PACC1: variants seen among roughly 807,000 people sequenced by gnomAD.
PACC1 encodes the protein proton-activated chloride channel.
In PACC1, 34 loss-of-function variants were observed where a neutral mutation model predicts 39.7. That is an observed-to-expected ratio of 0.86 (90% CI 0.65 to 1.14). The LOEUF (loss-of-function observed/expected upper bound fraction) is 1.14. PACC1 is among the 50% of genes most tolerant of loss of function. The pLI, the probability that PACC1 is intolerant of heterozygous loss-of-function variation, is 0.00. For synonymous variants in PACC1, 127 were observed against 160.6 expected, an observed-to-expected ratio of 0.79 and a Z score of 1.58; for missense variants, 379 against 436.4, an observed-to-expected ratio of 0.87 and a Z score of 1.17.
At chr1:212,366,920 C>T (rs919964545) in intron 7 of PACC1, among the ~76,000 whole-genome samples, 11 of 152,164 alleles carry the variant, frequency 7.2e-5, no homozygotes, top group African/African-American at 2.7e-4. Context: ...GAAGCTTACA[C>T]GTTTGGGTCT....
At chr1:212,392,162 T>C (rs1353689606) in intron 2 of PACC1, among the ~76,000 whole-genome samples, 2 of 151,946 alleles carry the variant, frequency 1.3e-5, no homozygotes, top group Non-Finnish European at 2.9e-5. Context: ...AAAGTTGAAA[T>C]GAAGGAAAAA....
At chr1:212,389,263 G>C (rs566660781) in intron 2 of PACC1, among the ~76,000 whole-genome samples, 1 of 152,146 alleles carries the variant, frequency 6.6e-6, no homozygotes, top group Non-Finnish European at 1.5e-5. Context: ...AGCCACACAG[G>C]GGGTGAAACT....
At chr1:212,413,544 G>C (rs920395504) in intron 1 of PACC1, among the ~76,000 whole-genome samples, 3 of 152,202 alleles carry the variant, frequency 2.0e-5, no homozygotes, top group African/African-American at 7.2e-5. Flanking sequence ...TTACCCAATG[G>C]AGCTTGGCGG....
chr1:212,406,105 C>CAAAAAAAAAAAAAAAAAAAA (rs58332482), intron 2 of PACC1, among the ~76,000 whole-genome samples: 1 of 55,640 alleles, frequency 1.8e-5, no homozygotes, highest in Non-Finnish European at 3.3e-5. Flanking sequence ...TCCCACCCCA[C>CAAAAAAAAAAAAAAAAAAAA]AAAAAAAAAA....
chr1:212,379,769 G>C (rs701905), intron 5 of PACC1, 126 bp downstream of exon 5: 371,796 of 1,201,770 alleles, frequency 0.31, 61,161 homozygotes, highest in Non-Finnish European at 0.35. Context: ...TCCTGGGCCA[G>C]TGGGTCATCT....
At chr1:212,365,612 AG>A (rs1482161189) in intron 7 of PACC1, among the ~76,000 whole-genome samples, 3 of 151,912 alleles carry the variant, frequency 2.0e-5, no homozygotes, top group African/African-American at 7.3e-5. Flanking sequence ...TTGTATGTTT[AG>A]TAGTGTTATT....
At chr1:212,398,137 C>T (rs1661588188) in intron 2 of PACC1, among the ~76,000 whole-genome samples, 1 of 152,104 alleles carries the variant, frequency 6.6e-6, no homozygotes, top group African/African-American at 2.4e-5. Context: ...GTACCCTCTA[C>T]CCTTCAAAAA....
intron 2 of PACC1, among the ~76,000 whole-genome samples, chr1:212,394,720 TA>T (rs542559587): frequency 1.3e-3 from 193 of 152,328 alleles, no homozygotes; most frequent in African/African-American, 4.6e-3. Context: ...CTTAAGCTGA[TA>T]AGCAACTTCA....
At chr1:212,365,582 C>T (rs1660210878) in intron 7 of PACC1, among the ~76,000 whole-genome samples, 1 of 152,052 alleles carries the variant, frequency 6.6e-6, no homozygotes, top group Admixed American at 6.6e-5. Flanking sequence ...AGGAACCTGC[C>T]ACCACACCTG....
At chr1:212,373,648 T>C (rs770981975) in intron 7 of PACC1, among the ~76,000 whole-genome samples, 6 of 151,924 alleles carry the variant, frequency 3.9e-5, no homozygotes, top group Non-Finnish European at 7.4e-5. Flanking sequence ...AACAACTCAA[T>C]AGCAAAAAAA....
Position 212,377,613 on chromosome 1 carries a change from C to T in PACC1, c.732G>A (p.Leu244=). 1 of 1,614,200 alleles carries T rather than the reference C, an allele frequency of 6.2e-7. No homozygotes were observed. The highest frequency in any genetic ancestry group is 8.5e-7 in the Non-Finnish European group (1 of 1,180,040). The change falls in exon 6 of 8, where the codon CTG becomes CTA. Residue 244 remains leucine (L), a synonymous_variant. Coordinates refer to ENST00000261455, the MANE Select transcript of PACC1 (RefSeq NM_018252.3). ...GCCCATCCTCCTCCTTGGTCTTTAC[C>T]AGTGACATCTTGACCCAGGTGCGGA... ...GGFRTWVKMS[L]VKTKEEDGRE...
intron 2 of PACC1, among the ~76,000 whole-genome samples, chr1:212,405,882 C>G (rs1248241487): frequency 6.6e-6 from 1 of 152,114 alleles, no homozygotes; most frequent in East Asian, 1.9e-4. Context: ...TGGCTTGCAC[C>G]TGTGATTCCA....
rs1661100150 is a variant in PACC1, at chr1:212,386,401, G to A, written c.343+490C>T. Among the ~76,000 whole-genome samples the A allele has an allele frequency of 6.6e-6, 1 of 152,070 alleles. No homozygotes were observed. The highest frequency in any genetic ancestry group is 1.5e-5 in the Non-Finnish European group (1 of 68,002). ...GACAGGTATACCCAGTGTGGCCTGG[G>A]AGTCCCTCTCCAGGCAGGGTTGAAT... On this transcript the variant is annotated intron_variant, in intron 3 of 7. Coordinates refer to ENST00000261455, the MANE Select transcript of PACC1 (RefSeq NM_018252.3). The surrounding 1 kb of genome is among the most constrained non-coding windows in gnomAD (Gnocchi z 5.0).
chr1:212,406,232 AG>A (rs1257468372), intron 2 of PACC1, among the ~76,000 whole-genome samples: 3 of 151,478 alleles, frequency 2.0e-5, no homozygotes, highest in Admixed American at 2.0e-4. Flanking sequence ...GAAGACTCAA[AG>A]GGGCCAAGCA....
Position 212,413,962 on chromosome 1 carries a change from C to G in PACC1, c.36+760G>C, listed in dbSNP as rs776816752. Reference sequence around the variant, plus strand: ...GAGGGGCACAGAAGAGGACGGTTGCCAAAGATGACCAAGGTTTGGGGGCCG... The same window carrying G: ...GAGGGGCACAGAAGAGGACGGTTGCGAAAGATGACCAAGGTTTGGGGGCCG... On this transcript the variant is annotated intron_variant, in intron 1 of 7. Transcript: ENST00000261455. 5.2e-5 allele frequency: 80 copies of G among 1,535,594 alleles called. No individual in the cohort carries two copies. Among genetic ancestry groups the G allele is most frequent in the Non-Finnish European group, 6.6e-5 (76 of 1,146,872 alleles).
chr1:212,367,794 C>G (rs1181860880), intron 7 of PACC1, among the ~76,000 whole-genome samples: 3 of 152,176 alleles, frequency 2.0e-5, no homozygotes, highest in Non-Finnish European at 4.4e-5. Flanking sequence ...CCCGAATCCC[C>G]TAATTATAGG....
intron 4 of PACC1, among the ~76,000 whole-genome samples, chr1:212,384,226 C>A (rs1326150576): frequency 6.6e-6 from 1 of 152,140 alleles, no homozygotes; most frequent in Non-Finnish European, 1.5e-5. Context: ...ATGTTCTAGT[C>A]TGTTCTATCT....
At chr1:212,374,243 A>C (rs181674741) in intron 7 of PACC1, among the ~76,000 whole-genome samples, 101 of 152,306 alleles carry the variant, frequency 6.6e-4, no homozygotes, top group African/African-American at 2.4e-3. Flanking sequence ...CCATTAAAGA[A>C]TGAAATCCTG....
intron 2 of PACC1, among the ~76,000 whole-genome samples, chr1:212,400,093 A>C (rs1474881711): frequency 6.6e-6 from 1 of 151,742 alleles, no homozygotes; most frequent in Non-Finnish European, 1.5e-5. Flanking sequence ...TGATCTGCCC[A>C]CCTCAGCCTC....
Sources: allele counts gnomAD v4.1 joint callset (sites outside exome capture counted in the v4.1 genomes callset), GRCh38; gene constraint gnomAD v4.1.1; non-coding constraint Gnocchi (gnomAD v3.1); transcripts MANE v1.5; gene names NCBI Gene and HGNC (gene_info 2026-07-23, HGNC 2026-07-21).